CAST: variants seen among roughly 807,000 people sequenced by gnomAD.
CAST encodes calpastatin.
In CAST, 76 loss-of-function variants were observed where a neutral mutation model predicts 119.6. The ratio of observed to expected loss-of-function variants is 0.64; its 90% confidence interval spans 0.53 to 0.77. The LOEUF (loss-of-function observed/expected upper bound fraction) is 0.77, where lower values mean the gene tolerates loss of function less well. Among genes scored for constraint, CAST ranks in the 30% least tolerant of loss-of-function variants. The pLI is 0.00. For missense variants in CAST, 953 were observed against 946.5 expected, an observed-to-expected ratio of 1.01 and a Z score of -0.09; for synonymous variants, 319 against 331.6, an observed-to-expected ratio of 0.96 and a Z score of 0.41.
chr5:96,436,981 G>A, the CAST span, among the ~76,000 whole-genome samples: 4 of 152,170 alleles, frequency 2.6e-5, no homozygotes, highest in African/African-American at 4.8e-5. Flanking sequence ...CTTGCAGCAG[G>A]TTGCTGAAGT....
At chr5:96,596,238 G>C (rs1747049866) in intron 1 of CAST, among the ~76,000 whole-genome samples, 2 of 152,142 alleles carry the variant, frequency 1.3e-5, no homozygotes, top group Admixed American at 1.3e-4. Context: ...CTTACAAGAG[G>C]GACACAAGAG....
In CAST at chr5:96,551,424, A is replaced by G. The variant is rs192209194; in HGVS notation, c.60+21544A>G. On this transcript the variant is annotated intron_variant, in intron 1 of 11. Transcript: ENST00000505143. ...ACAAGAGCTCCTGAAGGAAGCATGAAACATGGAAAGGAACAACTGGTACCA... is the reference window on the plus strand; with the variant it reads ...ACAAGAGCTCCTGAAGGAAGCATGAGACATGGAAAGGAACAACTGGTACCA... Among the ~76,000 whole-genome samples the G allele has an allele frequency of 2.3e-3, 349 of 152,348 alleles. 2 individuals are homozygous for G. Among genetic ancestry groups the G allele is most frequent in the African/African-American group, 7.6e-3 (318 of 41,580 alleles).
chr5:96,046,539 C>G, the CAST span, among the ~76,000 whole-genome samples: 2 of 152,172 alleles, frequency 1.3e-5, no homozygotes, highest in Non-Finnish European at 2.9e-5. Context: ...AAGACATGCC[C>G]TAAGTGTGTT....
chr5:96,180,364 C>A, the CAST span, among the ~76,000 whole-genome samples: 2 of 152,126 alleles, frequency 1.3e-5, no homozygotes, highest in African/African-American at 4.8e-5. Context: ...AAGTGTGAAA[C>A]AAGCTTAAAG....
intron 1 of CAST, among the ~76,000 whole-genome samples, chr5:96,572,014 G>C (rs1368563952): frequency 6.6e-6 from 1 of 152,182 alleles, no homozygotes; most frequent in Non-Finnish European, 1.5e-5. Context: ...AGCAATGGTG[G>C]ATAAATGGTT....
chr5:96,509,413 A>G, the CAST span, among the ~76,000 whole-genome samples: 1 of 152,208 alleles, frequency 6.6e-6, no homozygotes, highest in African/African-American at 2.4e-5. Flanking sequence ...AAAAAGTACT[A>G]TCTCAATTTT....
At chr5:96,542,636 T>C (rs1209315019) in intron 1 of CAST, among the ~76,000 whole-genome samples, 3 of 150,776 alleles carry the variant, frequency 2.0e-5, no homozygotes, top group Non-Finnish European at 1.5e-5. Flanking sequence ...ATTTAAACTT[T>C]TGTTCTATTT....
the CAST span, among the ~76,000 whole-genome samples, chr5:96,143,965 T>C: frequency 6.6e-6 from 1 of 152,190 alleles, no homozygotes; most frequent in African/African-American, 2.4e-5. Context: ...ATCAGACACT[T>C]GAGGGGCTAT....
intron 4 of CAST, 174 bp from the exon 5 acceptor site, chr5:96,726,620 C>A: frequency 2.0e-6 from 1 of 493,766 alleles, no homozygotes; most frequent in Non-Finnish European, 3.6e-6. Flanking sequence ...GAAATATCTG[C>A]TTAGGACCTT....
chr5:96,065,918 T>C, the CAST span, among the ~76,000 whole-genome samples: 1 of 152,130 alleles, frequency 6.6e-6, no homozygotes, highest in Admixed American at 6.6e-5. Flanking sequence ...TTCCAACAAT[T>C]GAAGGGGAGT....
chr5:96,229,145 T>C, the CAST span, among the ~76,000 whole-genome samples: 2 of 151,910 alleles, frequency 1.3e-5, no homozygotes, highest in Admixed American at 1.3e-4. Context: ...CCAAAGATTC[T>C]ATAGAAAAGA....
the CAST span, among the ~76,000 whole-genome samples, chr5:96,436,314 G>A: frequency 6.6e-6 from 1 of 152,210 alleles, no homozygotes; most frequent in Non-Finnish European, 1.5e-5. Flanking sequence ...TCTGTATGGA[G>A]CTGGGTGAAG....
the CAST span, among the ~76,000 whole-genome samples, chr5:96,299,987 G>A: frequency 6.6e-6 from 1 of 151,922 alleles, no homozygotes; most frequent in Non-Finnish European, 1.5e-5. Context: ...TGTTTGAGTT[G>A]CTTATGTATT....
chr5:96,319,586 G>A, the CAST span, among the ~76,000 whole-genome samples: 5 of 152,166 alleles, frequency 3.3e-5, no homozygotes, highest in East Asian at 7.7e-4. Flanking sequence ...TCACAGGCGT[G>A]CTCTGTGTAT....
the CAST span, among the ~76,000 whole-genome samples, chr5:96,239,579 G>T: frequency 6.6e-6 from 1 of 151,898 alleles, no homozygotes; most frequent in African/African-American, 2.4e-5. Context: ...GAGATGTGTG[G>T]TTTTTTCCAC....
At chr5:96,719,147 T>C (rs1232652636) in intron 3 of CAST, among the ~76,000 whole-genome samples, 2 of 152,122 alleles carry the variant, frequency 1.3e-5, no homozygotes, top group Non-Finnish European at 2.9e-5. Context: ...GGAGCCCCCT[T>C]CCTCTGCCCC....
the CAST span, among the ~76,000 whole-genome samples, chr5:96,121,187 G>A: frequency 2.8e-4 from 42 of 152,264 alleles, no homozygotes; most frequent in African/African-American, 9.4e-4. Flanking sequence ...GTTCACTGCT[G>A]TTAGCCCCAG....
chr5:96,554,444 T>TA (rs2150182912), intron 1 of CAST, among the ~76,000 whole-genome samples: 1 of 152,204 alleles, frequency 6.6e-6, no homozygotes, highest in East Asian at 1.9e-4. Context: ...CGTAGGACCA[T>TA]AAAAATCCTA....
chr5:96,014,079 ATATAT>A, the CAST span, among the ~76,000 whole-genome samples: 345 of 151,982 alleles, frequency 2.3e-3, no homozygotes, highest in African/African-American at 8.0e-3. Context: ...TAAAACACAA[ATATAT>A]TATACAGCTG....
Sources: allele counts gnomAD v4.1 joint callset (sites outside exome capture counted in the v4.1 genomes callset), GRCh38; gene constraint gnomAD v4.1.1; transcripts MANE v1.5; gene names NCBI Gene and HGNC (gene_info 2026-07-23, HGNC 2026-07-21).